The following THSD1 variants were observed in gnomAD, a reference collection of about 807,000 sequenced individuals.
THSD1 encodes the protein thrombospondin type-1 domain-containing protein 1.
A neutral mutation model predicts 46.3 loss-of-function variants in THSD1; 34 were observed. The ratio of observed to expected loss-of-function variants is 0.74; its 90% CI spans 0.56 to 0.98. The LOEUF (loss-of-function observed/expected upper bound fraction) is 0.98, where lower values mean the gene tolerates loss of function less well. Among genes scored for constraint, THSD1 ranks in the 50% least tolerant of loss-of-function variants. The probability of loss-of-function intolerance (pLI) is 0.00; values close to 1 mark genes in which losing one functional copy is unlikely to be tolerated. For missense variants in THSD1, 1,023 were observed against 1,058.3 expected (o/e 0.97, Z 0.46); for synonymous variants, 407 against 416.5 (o/e 0.98, Z 0.28).
intron 4 of THSD1, among the ~76,000 whole-genome samples, chr13:52,381,474 C>A (rs1484519255): frequency 6.6e-6 from 1 of 152,190 alleles, no homozygotes; most frequent in Non-Finnish European, 1.5e-5. Context: ...CTATCCAATC[C>A]ACTTCCTTAG....
chr13:52,378,865 T>C (rs1957668212), intron 4 of THSD1, 76 bp from the exon 5 acceptor site: 3 of 737,314 alleles, frequency 4.1e-6, no homozygotes, highest in Non-Finnish European at 1.7e-6. Context: ...TTTCTTTTCT[T>C]TTTTTTTTTT....
chr13:52,402,845 A>T (rs1216278894), intron 1 of THSD1, 164 bp from the exon 2 acceptor site: 1 of 980,158 alleles, frequency 1.0e-6, no homozygotes, highest in East Asian at 1.1e-4. Context: ...ATAATTATAC[A>T]AGCCTTTTTC....
chr13:52,401,505 T>C (rs1423598334), intron 2 of THSD1, among the ~76,000 whole-genome samples: 7 of 151,810 alleles, frequency 4.6e-5, no homozygotes, highest in African/African-American at 1.7e-4. Flanking sequence ...TTCACTATGT[T>C]AGCCAGGATG....
intron 2 of THSD1, among the ~76,000 whole-genome samples, chr13:52,400,364 G>T (rs1034447129): frequency 6.6e-6 from 1 of 152,130 alleles, no homozygotes; most frequent in Non-Finnish European, 1.5e-5. Flanking sequence ...TTGGGAGGCC[G>T]AGATGGGTGG....
At chr13:52,402,832 C>T in intron 1 of THSD1, 151 bp from the exon 2 acceptor site, 1 of 979,526 alleles carries the variant, frequency 1.0e-6, no homozygotes, top group Non-Finnish European at 1.2e-6. Flanking sequence ...GGGGCAATGA[C>T]TTATAATTAT....
intron 3 of THSD1, among the ~76,000 whole-genome samples, chr13:52,391,287 C>G (rs9536056): frequency 0.059 from 8,806 of 148,958 alleles, 301 homozygotes; most frequent in African/African-American, 0.092. Context: ...TGTGATCGTG[C>G]CTTACTGAAG....
chr13:52,378,725 C>A lies in THSD1; in HGVS notation c.1245G>T (p.Val415=), dbSNP rs778135153. The A allele has an allele frequency of 4.3e-6, 7 of 1,613,462 alleles. No individual in the cohort carries two copies. Among genetic ancestry groups the A allele is most frequent in the Non-Finnish European group, 5.1e-6 (6 of 1,180,012 alleles). ...AGCACAAGGATATACCAGTGACAGT[C>A]ACGATGTTGTTGGACTTCACTGGAC... ...PQGPVKSNNI[V]TVTGISLCLF... is the part of the protein sequence containing the mutation. Residue 415 remains valine, a synonymous_variant, in exon 5 of 5, where the codon GTG becomes GTT. Coordinates refer to ENST00000258613, the MANE Select transcript of THSD1 (RefSeq NM_018676.4).
chr13:52,404,932 C>G (rs185602167), intron 1 of THSD1, among the ~76,000 whole-genome samples: 5 of 152,108 alleles, frequency 3.3e-5, no homozygotes, highest in African/African-American at 4.8e-5. Flanking sequence ...ATAAAACAGA[C>G]CAGCCTACTT....
intron 1 of THSD1, among the ~76,000 whole-genome samples, chr13:52,404,879 A>C (rs1957894813): frequency 6.6e-6 from 1 of 152,262 alleles, no homozygotes; most frequent in Non-Finnish European, 1.5e-5. Context: ...AAAACATAGA[A>C]TGGTGAGACA....
chr13:52,377,337 C>A lies in THSD1; in HGVS notation c.*74G>T. ...CCTCCTCACATTCTGTCCTACGGTA[C>A]AAATAGTTACACAAAAGTCTACAAA... On this transcript the variant is annotated 3_prime_UTR_variant, in exon 5 of 5. Coordinates refer to ENST00000258613, the MANE Select transcript of THSD1 (RefSeq NM_018676.4). 2.8e-6 allele frequency: 4 copies of A among 1,451,334 alleles called. No individual in the cohort carries two copies. Among genetic ancestry groups the A allele is most frequent in the Non-Finnish European group, 3.7e-6 (4 of 1,095,772 alleles). 89.9% of individuals were successfully genotyped at this position (1,451,334 alleles called of 1,614,324 possible).
rs750477566 is a variant in THSD1, at chr13:52,397,322, C to G, written c.931G>C (p.Gly311Arg). The change falls in exon 3 of 5, where the codon GGG becomes CGG. Residue 311 changes from glycine to arginine, a missense_variant. Transcript: ENST00000258613. ...AAGTCAAAGCAGTACTTATTCTTCCCCATGTCAAACAAAGTACAGTTAAAA... is the reference window on the plus strand; with the variant it reads ...AAGTCAAAGCAGTACTTATTCTTCCGCATGTCAAACAAAGTACAGTTAAAA... The part of the protein sequence containing the change: ...TIFNCTLFDM[G>R]KNKYCFDFGI... 3.1e-6 allele frequency: 5 copies of G among 1,614,060 alleles called. No homozygotes were observed. The South Asian group carries it at 5.5e-5, about 18-fold the overall frequency.
intron 3 of THSD1, 37 bp from the exon 4 acceptor site, chr13:52,386,223 A>C (rs1240617420): frequency 1.2e-6 from 2 of 1,601,620 alleles, no homozygotes; most frequent in Admixed American, 3.4e-5. Context: ...ATGCTAGTTC[A>C]TTTGAGAATC....
intron 3 of THSD1, among the ~76,000 whole-genome samples, chr13:52,396,330 T>C (rs1339623426): frequency 6.6e-6 from 1 of 152,130 alleles, no homozygotes; most frequent in Non-Finnish European, 1.5e-5. Context: ...GAGACCATCC[T>C]GGCTAACACA....
At chr13:52,387,510 C>A (rs1480991857) in intron 3 of THSD1, among the ~76,000 whole-genome samples, 2 of 152,084 alleles carry the variant, frequency 1.3e-5, no homozygotes, top group East Asian at 3.9e-4. Context: ...TCAGAGCTGA[C>A]CCAGATATTA....
intron 1 of THSD1, chr13:52,402,922 A>G: frequency 2.0e-6 from 2 of 985,402 alleles, no homozygotes; most frequent in Non-Finnish European, 2.4e-6. Context: ...TTATCTTTGC[A>G]CAACACCAAA....
At chr13:52,386,579 A>T (rs528765096) in intron 3 of THSD1, among the ~76,000 whole-genome samples, 1 of 152,310 alleles carries the variant, frequency 6.6e-6, no homozygotes, top group South Asian at 2.1e-4. Flanking sequence ...GTGGAGTAGC[A>T]CAGAATATAG....
intron 3 of THSD1, among the ~76,000 whole-genome samples, chr13:52,388,780 C>T (rs1957752058): frequency 2.0e-5 from 3 of 151,828 alleles, no homozygotes; most frequent in Admixed American, 2.0e-4. Context: ...CACAACTGGC[C>T]GTATTAAGTG....
intron 1 of THSD1, among the ~76,000 whole-genome samples, chr13:52,403,938 ATTTTT>A (rs67802176): frequency 1.6e-3 from 102 of 63,914 alleles, no homozygotes; most frequent in African/African-American, 4.0e-3. Flanking sequence ...CATTATTCAC[ATTTTT>A]TTTTTTTTTT....
intron 4 of THSD1, 74 bp from the exon 5 acceptor site, chr13:52,378,863 CT>C (rs368308011): frequency 0.19 from 199,762 of 1,024,756 alleles, 422 homozygotes; most frequent in South Asian, 0.23. Flanking sequence ...TTTTTCTTTT[CT>C]TTTTTTTTTT....
Sources: allele counts gnomAD v4.1 joint callset (sites outside exome capture counted in the v4.1 genomes callset), GRCh38; gene constraint gnomAD v4.1.1; transcripts MANE v1.5; gene names NCBI Gene and HGNC (gene_info 2026-07-23, HGNC 2026-07-21).